MACROD1: variants seen among roughly 807,000 people sequenced by gnomAD.
MACROD1 encodes ADP-ribose glycohydrolase MACROD1.
MACROD1 carries 31 observed loss-of-function variants against 41.4 expected under a neutral mutation model. The ratio of observed to expected loss-of-function variants is 0.75; its 90% CI spans 0.56 to 1.01. The LOEUF (loss-of-function observed/expected upper bound fraction) is 1.01. MACROD1 is among the 50% of genes least tolerant of loss of function. The pLI is 0.00. For missense variants in MACROD1, 473 were observed against 460.0 expected (o/e 1.03, Z -0.26); for synonymous variants, 252 against 203.4 (o/e 1.24, Z -2.03).
chr11:64,145,994 T>C (rs780094402), intron 3 of MACROD1, among the ~76,000 whole-genome samples: 90 of 151,814 alleles, frequency 5.9e-4, no homozygotes, highest in Non-Finnish European at 1.2e-3. Flanking sequence ...GCTCTCAAAC[T>C]CCTGACCTCA....
chr11:64,135,834 T>C (rs1945324009), intron 3 of MACROD1, among the ~76,000 whole-genome samples: 1 of 152,164 alleles, frequency 6.6e-6, no homozygotes, highest in South Asian at 2.1e-4. Context: ...TGCCCAAGGC[T>C]GTGTGGTTCC....
At chr11:64,110,463 AG>A (rs1167755911) in intron 3 of MACROD1, among the ~76,000 whole-genome samples, 1 of 151,420 alleles carries the variant, frequency 6.6e-6, no homozygotes, top group African/African-American at 2.4e-5. Context: ...AAAAAAAAAA[AG>A]AAAGAAATCA....
intron 3 of MACROD1, among the ~76,000 whole-genome samples, chr11:64,101,378 T>C (rs1466117310): frequency 6.6e-6 from 1 of 152,186 alleles, no homozygotes; most frequent in Non-Finnish European, 1.5e-5. Context: ...ACCAGTGGGA[T>C]GAACCTGCCT....
At chr11:64,132,776 G>A (rs1018147778) in intron 3 of MACROD1, among the ~76,000 whole-genome samples, 1 of 152,210 alleles carries the variant, frequency 6.6e-6, no homozygotes, top group Non-Finnish European at 1.5e-5. Context: ...GCCCATCTGC[G>A]AGAGGCAAGG....
chr11:64,130,258 C>T (rs1436190567), intron 3 of MACROD1, among the ~76,000 whole-genome samples: 2 of 152,212 alleles, frequency 1.3e-5, no homozygotes, highest in African/African-American at 2.4e-5. Flanking sequence ...CCTTAAGTCC[C>T]GGGGCTCCGG....
At chr11:64,070,940 T>C (rs1044871864) in intron 3 of MACROD1, among the ~76,000 whole-genome samples, 2 of 152,096 alleles carry the variant, frequency 1.3e-5, no homozygotes, top group Non-Finnish European at 2.9e-5. Flanking sequence ...GTTGGTTAAG[T>C]AGACCAAGGA....
At chr11:64,069,041 G>A (rs915494254) in intron 3 of MACROD1, among the ~76,000 whole-genome samples, 7 of 152,326 alleles carry the variant, frequency 4.6e-5, no homozygotes, top group East Asian at 1.9e-4. Context: ...GGATTCCTCC[G>A]GGGGCAGTGG....
chr11:64,029,553 C>T (rs1943267020), intron 3 of MACROD1, among the ~76,000 whole-genome samples: 1 of 152,090 alleles, frequency 6.6e-6, no homozygotes, highest in African/African-American at 2.4e-5. Context: ...GGGGGTCCAG[C>T]CCCCATTTGC....
chr11:64,164,895 C>A (rs1306482034), intron 1 of MACROD1, among the ~76,000 whole-genome samples: 1 of 150,170 alleles, frequency 6.7e-6, no homozygotes, highest in African/African-American at 2.4e-5. Context: ...GGCTCAGTAG[C>A]GGCAGCTTGG....
intron 3 of MACROD1, among the ~76,000 whole-genome samples, chr11:64,102,576 C>T (rs1047100576): frequency 2.0e-5 from 3 of 152,180 alleles, no homozygotes; most frequent in African/African-American, 7.2e-5. Flanking sequence ...CTGGGCTGGG[C>T]GGTTGGCCCT....
At chr11:64,148,903 C>T (rs1305666040) in intron 3 of MACROD1, 6 of 985,322 alleles carry the variant, frequency 6.1e-6, no homozygotes, top group East Asian at 1.1e-4. Context: ...CCACTTTGAA[C>T]GCTGGGGTTC....
chr11:64,137,606 G>A (rs1304189586), intron 3 of MACROD1, among the ~76,000 whole-genome samples: 1 of 152,182 alleles, frequency 6.6e-6, no homozygotes, highest in African/African-American at 2.4e-5. Context: ...GCCGGGTCAG[G>A]AGAGGATACC....
chr11:64,158,126 G>T (rs1945697574), intron 1 of MACROD1, among the ~76,000 whole-genome samples: 1 of 152,248 alleles, frequency 6.6e-6, no homozygotes, highest in South Asian at 2.1e-4. Context: ...CACTCTGGAT[G>T]AAATCCCACG....
At chr11:64,092,578 G>A (rs1034417209) in intron 3 of MACROD1, among the ~76,000 whole-genome samples, 2 of 152,212 alleles carry the variant, frequency 1.3e-5, no homozygotes, top group Non-Finnish European at 2.9e-5. Context: ...GGCCCAGCCC[G>A]GCTCCTCTGC....
At chr11:64,108,465 C>A (rs1944802660) in intron 3 of MACROD1, among the ~76,000 whole-genome samples, 1 of 152,230 alleles carries the variant, frequency 6.6e-6, no homozygotes, top group Non-Finnish European at 1.5e-5. Flanking sequence ...TCCCTGAGCA[C>A]CAGGAAGCAG....
At chr11:64,057,893 A>G (rs1943819879) in intron 3 of MACROD1, among the ~76,000 whole-genome samples, 1 of 152,180 alleles carries the variant, frequency 6.6e-6, no homozygotes. Flanking sequence ...ACAGGATTTG[A>G]ACTCATGTGG....
At chr11:63,999,813 C>A in intron 5 of MACROD1, 50 bp from the exon 6 acceptor site, 1 of 1,567,562 alleles carries the variant, frequency 6.4e-7, no homozygotes. Context: ...CGGTCCTCAG[C>A]TCCCTCGCTT....
chr11:64,070,653 C>A (rs1944091654), intron 3 of MACROD1, among the ~76,000 whole-genome samples: 1 of 152,172 alleles, frequency 6.6e-6, no homozygotes, highest in Non-Finnish European at 1.5e-5. Flanking sequence ...GCTGGGGCCT[C>A]AGGGGCCTCC....
At chr11:64,163,972 C>T (rs1165367073) in intron 1 of MACROD1, among the ~76,000 whole-genome samples, 2 of 152,176 alleles carry the variant, frequency 1.3e-5, no homozygotes, top group Non-Finnish European at 2.9e-5. Flanking sequence ...CAGCTGGATG[C>T]CTCTTCTCAG....
Sources: gnomAD v4.1 joint callset for allele counts (sites outside exome capture counted in the v4.1 genomes callset) on GRCh38, gnomAD v4.1.1 for gene constraint, MANE v1.5 for transcripts, NCBI Gene and HGNC (gene_info 2026-07-23, HGNC 2026-07-21) for gene names.